Variants in LRRTM4 observed in about 807,000 individuals in gnomAD.
LRRTM4 encodes the protein leucine-rich repeat transmembrane neuronal protein 4.
In LRRTM4, 25 loss-of-function variants were observed where a neutral mutation model predicts 47.6. The ratio of observed to expected loss-of-function variants is 0.53; its 90% confidence interval spans 0.38 to 0.73. The LOEUF (loss-of-function observed/expected upper bound fraction) is 0.73, where lower values mean the gene tolerates loss of function less well. Ranked by LOEUF, LRRTM4 falls within the 30% of genes least tolerant of loss-of-function variation. LRRTM4 has a pLI of 0.00. For missense variants in LRRTM4, 638 were observed against 713.4 expected, an observed-to-expected ratio of 0.89 and a Z score of 1.20; for synonymous variants, 311 against 269.5, an observed-to-expected ratio of 1.15 and a Z score of -1.51.
At chr2:76,943,080 C>T (rs1263930482) in intron 3 of LRRTM4, among the ~76,000 whole-genome samples, 1 of 152,168 alleles carries the variant, frequency 6.6e-6, no homozygotes, top group African/African-American at 2.4e-5. Flanking sequence ...TGTACATCAA[C>T]TCTACATCGT....
At chr2:76,820,102 T>C (rs936820077) in intron 3 of LRRTM4, among the ~76,000 whole-genome samples, 1 of 151,976 alleles carries the variant, frequency 6.6e-6, no homozygotes, top group African/African-American at 2.4e-5. Context: ...GTCTAATTCT[T>C]CAACTCCCAT....
intron 3 of LRRTM4, among the ~76,000 whole-genome samples, chr2:77,447,782 T>G (rs1676110556): frequency 2.0e-5 from 3 of 152,134 alleles, no homozygotes; most frequent in Non-Finnish European, 2.9e-5. Context: ...CAGAGCACAG[T>G]GGTTTTTCAG....
intron 3 of LRRTM4, among the ~76,000 whole-genome samples, chr2:77,422,802 G>A (rs956423149): frequency 2.6e-5 from 4 of 152,086 alleles, no homozygotes; most frequent in South Asian, 2.1e-4. Context: ...GAGTGAAAAA[G>A]GAAGAAAGTA....
chr2:76,819,693 G>C (rs1671000274), intron 3 of LRRTM4, among the ~76,000 whole-genome samples: 1 of 151,850 alleles, frequency 6.6e-6, no homozygotes, highest in Admixed American at 6.6e-5. Flanking sequence ...CTTCTAGATT[G>C]TTACTCTCAG....
intron 3 of LRRTM4, among the ~76,000 whole-genome samples, chr2:77,492,002 T>A (rs905623989): frequency 7.0e-6 from 1 of 143,530 alleles, no homozygotes; most frequent in South Asian, 2.3e-4. Context: ...AATCATATTA[T>A]AAAACATAAT....
chr2:76,940,550 C>A (rs1275954424), intron 3 of LRRTM4, among the ~76,000 whole-genome samples: 1 of 152,082 alleles, frequency 6.6e-6, no homozygotes, highest in East Asian at 1.9e-4. Context: ...AGGCTTAACA[C>A]ATGGGTGACA....
intron 3 of LRRTM4, among the ~76,000 whole-genome samples, chr2:77,414,371 G>A (rs1674558353): frequency 6.6e-6 from 1 of 152,110 alleles, no homozygotes; most frequent in South Asian, 2.1e-4. Flanking sequence ...AAAAAAGAGC[G>A]AAATACTTAG....
At chr2:77,221,400 C>T (rs1215241253) in intron 3 of LRRTM4, among the ~76,000 whole-genome samples, 3 of 152,176 alleles carry the variant, frequency 2.0e-5, no homozygotes, top group Non-Finnish European at 4.4e-5. Flanking sequence ...AAATAAAAGA[C>T]ACAGACTGGC....
At chr2:77,057,038 TTGC>T (rs1353194426) in intron 3 of LRRTM4, among the ~76,000 whole-genome samples, 1 of 152,252 alleles carries the variant, frequency 6.6e-6, no homozygotes, top group Admixed American at 6.5e-5. Flanking sequence ...CATATTGTTA[TTGC>T]TGCTTTCACA....
chr2:77,381,903 T>A (rs996590182), intron 3 of LRRTM4, among the ~76,000 whole-genome samples: 2 of 152,110 alleles, frequency 1.3e-5, no homozygotes, highest in African/African-American at 4.8e-5. Context: ...AACTTATTTA[T>A]ATGCCATTTA....
intron 3 of LRRTM4, among the ~76,000 whole-genome samples, chr2:77,146,498 A>G (rs1249608122): frequency 6.6e-6 from 1 of 152,194 alleles, no homozygotes; most frequent in Non-Finnish European, 1.5e-5. Flanking sequence ...AAAGAAATCT[A>G]TGAAACTAAA....
rs538794908 is a variant in LRRTM4 at position 76,771,151 on chromosome 2, A to G, written c.1552-22235T>C. 1.5e-4 allele frequency among the ~76,000 whole-genome samples: 23 copies of G among 152,308 alleles called. 1 individual carries two copies. In the East Asian group the frequency reaches 4.3e-3, roughly 28 times the overall value. ...AAAAAAACTTTTTACAAGGTAACGA[A>G]TTGTTGAAAATACAGTGACACAATC... On this transcript the variant is annotated intron_variant, in intron 3 of 3. Coordinates refer to ENST00000409884, the MANE Select transcript of LRRTM4 (RefSeq NM_001134745.3).
intron 3 of LRRTM4, among the ~76,000 whole-genome samples, chr2:77,075,783 C>T (rs1460468945): frequency 2.7e-5 from 4 of 148,304 alleles, no homozygotes; most frequent in Non-Finnish European, 3.0e-5. Flanking sequence ...GGCGTAGTGG[C>T]GGGCGCCTGT....
intron 3 of LRRTM4, among the ~76,000 whole-genome samples, chr2:76,791,891 T>G (rs2103717067): frequency 6.6e-6 from 1 of 152,272 alleles, no homozygotes; most frequent in African/African-American, 2.4e-5. Context: ...AGAGAATTTT[T>G]GAGGAAAAGC....
chr2:76,875,587 G>A (rs1300736939), intron 3 of LRRTM4, among the ~76,000 whole-genome samples: 1 of 151,996 alleles, frequency 6.6e-6, no homozygotes, highest in African/African-American at 2.4e-5. Context: ...GGGATATAAG[G>A]GAATAGCAAG....
chr2:77,010,773 A>AAATG (rs1260517144), intron 3 of LRRTM4, among the ~76,000 whole-genome samples: 1 of 152,174 alleles, frequency 6.6e-6, no homozygotes, highest in Admixed American at 6.6e-5. Context: ...AATATTTGTT[A>AAATG]AATGAATAAA....
chr2:76,886,076 A>T (rs775988463), intron 3 of LRRTM4, among the ~76,000 whole-genome samples: 2 of 152,224 alleles, frequency 1.3e-5, no homozygotes, highest in Non-Finnish European at 2.9e-5. Context: ...AAGCTGAAAG[A>T]TATTTGCGAA....
intron 3 of LRRTM4, among the ~76,000 whole-genome samples, chr2:77,166,743 G>A (rs1013730158): frequency 6.6e-6 from 1 of 152,114 alleles, no homozygotes. Flanking sequence ...TGGGAAAACT[G>A]GCTAGCCATA....
intron 3 of LRRTM4, among the ~76,000 whole-genome samples, chr2:76,866,604 T>C (rs77103481): frequency 6.6e-6 from 1 of 152,170 alleles, no homozygotes; most frequent in Non-Finnish European, 1.5e-5. Flanking sequence ...ATGTGTGATG[T>C]TGTGTCACAT....
Sources: allele counts gnomAD v4.1 joint callset (sites outside exome capture counted in the v4.1 genomes callset), GRCh38; gene constraint gnomAD v4.1.1; transcripts MANE v1.5; gene names NCBI Gene and HGNC (gene_info 2026-07-23, HGNC 2026-07-21).